ZNF33A: variants seen among roughly 807,000 people sequenced by gnomAD.
ZNF33A encodes brain my041 protein.
Under a neutral mutation model 15.9 loss-of-function variants are expected in ZNF33A, and 9 were observed. That is an observed-to-expected ratio of 0.57 (90% CI 0.34 to 0.99). ZNF33A has a LOEUF of 0.99. ZNF33A is among the 50% of genes least tolerant of loss of function. The pLI, the probability that ZNF33A is intolerant of heterozygous loss-of-function variation, is 0.02. For missense variants in ZNF33A, 843 were observed against 941.6 expected (o/e 0.90, Z 1.37); for synonymous variants, 294 against 324.2 (o/e 0.91, Z 1.00).
chr10:38,062,452 A>C (rs932769920), downstream of ZNF33A, among the ~76,000 whole-genome samples: 4 of 152,078 alleles, frequency 2.6e-5, no homozygotes, highest in African/African-American at 9.7e-5. Flanking sequence ...CAAACTCAAC[A>C]CCTAACGGCA....
At chr10:38,011,294 C>A (rs1386417423) in intron 1 of ZNF33A, among the ~76,000 whole-genome samples, 2 of 152,184 alleles carry the variant, frequency 1.3e-5, no homozygotes, top group Non-Finnish European at 2.9e-5. Flanking sequence ...TCAAGAATTA[C>A]CTAATTTTGG....
chr10:38,029,008 T>C (rs1339779194), intron 4 of ZNF33A, among the ~76,000 whole-genome samples: 3 of 152,228 alleles, frequency 2.0e-5, no homozygotes, highest in Admixed American at 2.0e-4. Flanking sequence ...TCTTTATACA[T>C]TGTGTACCGA....
intron 2 of ZNF33A, among the ~76,000 whole-genome samples, chr10:38,012,837 T>G (rs1318656024): frequency 6.6e-6 from 1 of 152,122 alleles, no homozygotes; most frequent in Admixed American, 6.5e-5. Flanking sequence ...AGTCAATAAG[T>G]TGAGCTTCGT....
intron 4 of ZNF33A, among the ~76,000 whole-genome samples, chr10:38,034,816 G>C (rs1198810967): frequency 6.6e-6 from 1 of 152,032 alleles, no homozygotes; most frequent in Non-Finnish European, 1.5e-5. Flanking sequence ...CCTTTTATTT[G>C]AAAATGGTAT....
At position 38,058,513 on chromosome 10, in the gene ZNF33A, T is replaced by C. The variant is rs1165854876; in HGVS notation, c.*1953T>C. 2 of 152,236 alleles carry C rather than the reference T, an allele frequency of 1.3e-5. No homozygotes were observed. The highest frequency in any genetic ancestry group is 2.9e-5 in the Non-Finnish European group (2 of 68,058). The allele number at this position is 152,236 out of a possible 1,614,324, so 9.4% of individuals were successfully genotyped here. Reference sequence around the variant, plus strand: ...CAGGTACAGTGGTTCATGCCTGTAATCCCAGCACTTCACTTTGGGAGGCTG... The same window carrying C: ...CAGGTACAGTGGTTCATGCCTGTAACCCCAGCACTTCACTTTGGGAGGCTG... On this transcript the variant is annotated 3_prime_UTR_variant, in exon 5 of 5. Transcript: ENST00000432900.
intron 4 of ZNF33A, among the ~76,000 whole-genome samples, chr10:38,043,285 G>A (rs1261286882): frequency 6.7e-6 from 1 of 148,222 alleles, no homozygotes; most frequent in Non-Finnish European, 1.5e-5. Flanking sequence ...CTCACAGGTG[G>A]GAACTGAACA....
At chr10:38,046,766 A>G (rs2065961754) in intron 4 of ZNF33A, among the ~76,000 whole-genome samples, 1 of 152,218 alleles carries the variant, frequency 6.6e-6, no homozygotes, top group Non-Finnish European at 1.5e-5. Flanking sequence ...TGGATTCCAT[A>G]TGTTCTAAAA....
chr10:38,048,577 CAA>C (rs1342539378), intron 4 of ZNF33A, among the ~76,000 whole-genome samples: 1 of 151,872 alleles, frequency 6.6e-6, no homozygotes, highest in Non-Finnish European at 1.5e-5. Context: ...GACAGATAAA[CAA>C]AAAGAATGGG....
intron 4 of ZNF33A, among the ~76,000 whole-genome samples, chr10:38,038,256 A>C (rs1015384068): frequency 7.2e-5 from 11 of 151,996 alleles, no homozygotes; most frequent in African/African-American, 2.7e-4. Context: ...CATGCCACCA[A>C]GCCTGGATAA....
chr10:38,061,944 A>T (rs1332647570), downstream of ZNF33A, among the ~76,000 whole-genome samples: 1 of 152,284 alleles, frequency 6.6e-6, no homozygotes, highest in East Asian at 1.9e-4. Context: ...GCAAGAGAGC[A>T]AGACCGTCTC....
intron 4 of ZNF33A, among the ~76,000 whole-genome samples, chr10:38,036,453 A>G (rs1317927189): frequency 6.6e-5 from 10 of 152,142 alleles, no homozygotes; most frequent in Admixed American, 6.5e-5. Flanking sequence ...AAAAATAAAA[A>G]TAAAAAATCT....
At chr10:38,053,256 T>G (rs1590694215) in intron 4 of ZNF33A, among the ~76,000 whole-genome samples, 1 of 152,132 alleles carries the variant, frequency 6.6e-6, no homozygotes, top group Admixed American at 6.6e-5. Flanking sequence ...AAAGTCAAGG[T>G]GCCAGCAGGG....
chr10:38,011,826 T>C (rs1387355310), intron 1 of ZNF33A, among the ~76,000 whole-genome samples: 2 of 152,184 alleles, frequency 1.3e-5, no homozygotes, highest in Non-Finnish European at 2.9e-5. Flanking sequence ...ATTTTTTCTT[T>C]GAAGCACTGC....
Position 38,057,971 on chromosome 10 carries a change from TGTG to T in ZNF33A, c.*1413_*1415del. Reference sequence around the variant, plus strand: ...TGGAGCAGAACCAGAATCAAGCTGGTGTGGGGCTTTTATTGATAGTGTGAAGAT... The same window carrying T: ...TGGAGCAGAACCAGAATCAAGCTGGTGGGCTTTTATTGATAGTGTGAAGAT... On this transcript the variant is annotated 3_prime_UTR_variant, in exon 5 of 5. Transcript: ENST00000432900. 1 of 985,378 alleles carries T rather than the reference TGTG, an allele frequency of 1.0e-6. No individual in the cohort carries two copies. Among genetic ancestry groups the T allele is most frequent in the Non-Finnish European group, 1.2e-6 (1 of 829,942 alleles). The allele number at this position is 985,378 out of a possible 1,614,324, so 61.0% of individuals were successfully genotyped here.
At chr10:38,012,204 T>C (rs563182727) in intron 1 of ZNF33A, 94 bp from the exon 2 acceptor site, 1 of 1,257,252 alleles carries the variant, frequency 8.0e-7, no homozygotes, top group East Asian at 2.3e-5. Context: ...GCATTTTACC[T>C]AGTGGGTGTG....
chr10:38,067,215 A>G (rs1030592603), downstream of ZNF33A, among the ~76,000 whole-genome samples: 8 of 152,106 alleles, frequency 5.3e-5, no homozygotes, highest in East Asian at 3.9e-4. Flanking sequence ...ATGTTCCATG[A>G]TTGGTAAAAG....
intron 4 of ZNF33A, among the ~76,000 whole-genome samples, chr10:38,047,624 C>CAAAAAAAAAAAAAAAAAAAAAAAAAAAAA (rs554054575): frequency 1.3e-5 from 1 of 75,010 alleles, no homozygotes; most frequent in African/African-American, 5.1e-5. Flanking sequence ...GACTCTGTCT[C>CAAAAAAAAAAAAAAAAAAAAAAAAAAAAA]AAAAAAAAAA....
In ZNF33A at chr10:38,054,528, C is replaced by T. The variant is rs2066360437; in HGVS notation, c.404C>T (p.Ser135Phe). 2 of 1,612,670 alleles carry T rather than the reference C, an allele frequency of 1.2e-6. No homozygotes were observed. Among genetic ancestry groups the T allele is most frequent in the Non-Finnish European group, 1.7e-6 (2 of 1,179,566 alleles). The change falls in exon 5 of 5, where the codon TCC (serine) becomes TTC (phenylalanine). Residue 135 changes from serine (S) to phenylalanine (F), a missense_variant. Ser to Phe is a radical substitution (Grantham distance 155). Coordinates refer to ENST00000432900, the MANE Select transcript of ZNF33A (RefSeq NM_006954.2). Reference sequence around the variant, plus strand: ...AATGTGGATGTAAGTTCTTTTCCTTCCAGAAAAATGTTCTGTCAGTGTGAT... The same window carrying T: ...AATGTGGATGTAAGTTCTTTTCCTTTCAGAAAAATGTTCTGTCAGTGTGAT... ...PFNVDVSSFPSRKMFCQCDSC... is the reference protein window; with the variant it reads ...PFNVDVSSFPFRKMFCQCDSC...
In ZNF33A at chr10:38,056,357, G is replaced by T; in HGVS notation, c.2233G>T (p.Gly745Trp). The T allele has an allele frequency of 6.2e-7, 1 of 1,614,096 alleles. No homozygotes were observed. Among genetic ancestry groups the T allele is most frequent in the Non-Finnish European group, 8.5e-7 (1 of 1,179,986 alleles). ...TGCTCAACATCAGAGATCACATACA[G>T]GGGAAAAGCCCTATGAATGTAACAC... Reference protein sequence around the residue: ...ELAQHQRSHTGEKPYECNTCR... With the variant: ...ELAQHQRSHTWEKPYECNTCR... Residue 745 changes from glycine to tryptophan, a missense_variant, in exon 5 of 5, where the codon GGG becomes TGG. Physicochemically the swap from Gly to Trp is radical, Grantham distance 184. Coordinates refer to ENST00000432900, the MANE Select transcript of ZNF33A (RefSeq NM_006954.2).
Sources: gnomAD v4.1 joint callset for allele counts (sites outside exome capture counted in the v4.1 genomes callset) on GRCh38, gnomAD v4.1.1 for gene constraint, MANE v1.5 for transcripts, NCBI Gene and HGNC (gene_info 2026-07-23, HGNC 2026-07-21) for gene names.